The following IGF2BP3 variants were observed in gnomAD, a reference collection of about 807,000 sequenced individuals.
IGF2BP3 encodes the protein insulin like growth factor 2 mRNA binding protein 3, also known as insulin-like growth factor 2 mRNA-binding protein 3.
In IGF2BP3, 9 loss-of-function variants were observed where a neutral mutation model predicts 73.8. The observed-to-expected ratio is 0.12, with a 90% CI of 0.07 to 0.21. The LOEUF (loss-of-function observed/expected upper bound fraction) is 0.21, where lower values mean the gene tolerates loss of function less well. Ranked by LOEUF, IGF2BP3 falls within the 10% of genes least tolerant of loss-of-function variation. The pLI, the probability that IGF2BP3 is intolerant of heterozygous loss-of-function variation, is 1.00. For missense variants in IGF2BP3, 542 were observed against 714.0 expected (o/e 0.76, Z 2.75); for synonymous variants, 258 against 256.7 (o/e 1.01, Z -0.05).
chr7:23,345,492 C>G (rs12700421), intron 8 of IGF2BP3, among the ~76,000 whole-genome samples: 21,619 of 152,172 alleles, frequency 0.14, 1,984 homozygotes, highest in Admixed American at 0.2. Context: ...TGCCAACAGC[C>G]AGCATCAACT....
At chr7:23,382,694 CA>C (rs1562715229) in intron 3 of IGF2BP3, among the ~76,000 whole-genome samples, 1 of 151,874 alleles carries the variant, frequency 6.6e-6, no homozygotes, top group Admixed American at 6.6e-5. Context: ...ACACCTCAGA[CA>C]AGTAAGTATA....
At chr7:23,342,413 C>T (rs1415724287) in intron 9 of IGF2BP3, among the ~76,000 whole-genome samples, 1 of 152,164 alleles carries the variant, frequency 6.6e-6, no homozygotes, top group East Asian at 1.9e-4. Context: ...CCTTGGTCCA[C>T]AGCTGCATTA....
At chr7:23,444,559 G>A (rs992289355) in intron 2 of IGF2BP3, among the ~76,000 whole-genome samples, 2 of 151,812 alleles carry the variant, frequency 1.3e-5, no homozygotes, top group South Asian at 4.2e-4. Context: ...TGGCCATCAT[G>A]GTGAAACCCC....
chr7:23,335,968 A>G (rs1784563260), intron 10 of IGF2BP3, among the ~76,000 whole-genome samples: 1 of 152,214 alleles, frequency 6.6e-6, no homozygotes, highest in Non-Finnish European at 1.5e-5. Flanking sequence ...CTGTTGGAAG[A>G]ACCAACTCTT....
At chr7:23,381,229 A>T (rs1032887521) in intron 3 of IGF2BP3, among the ~76,000 whole-genome samples, 1 of 152,226 alleles carries the variant, frequency 6.6e-6, no homozygotes, top group Non-Finnish European at 1.5e-5. Context: ...CATCTGAACA[A>T]TCTTCAAAGG....
Position 23,324,196 on chromosome 7 carries a change from A to G in IGF2BP3, c.1204-4942T>C, listed in dbSNP as rs1012831971. Among the ~76,000 whole-genome samples the G allele has an allele frequency of 3.8e-4, 58 of 152,072 alleles. 1 individual carries two copies. Among genetic ancestry groups the G allele is most frequent in the African/African-American group, 1.3e-3 (56 of 41,482 alleles). The stretch of plus-strand genomic sequence containing the variant: ...TAGCAAGACTAATCAAGAAAAAAAG[A>G]GAGAAGAATCAAATAGACACAATAA... On this transcript the variant is annotated intron_variant, in intron 10 of 14. Transcript: ENST00000258729.
intron 3 of IGF2BP3, among the ~76,000 whole-genome samples, chr7:23,379,130 T>C (rs919973745): frequency 6.6e-5 from 10 of 152,220 alleles, no homozygotes; most frequent in African/African-American, 2.4e-4. Context: ...TCAGCTGCTT[T>C]TGAACAATGG....
chr7:23,376,099 T>C (rs1785709607), intron 3 of IGF2BP3, among the ~76,000 whole-genome samples: 1 of 152,006 alleles, frequency 6.6e-6, no homozygotes, highest in Admixed American at 6.6e-5. Context: ...CACAAATAAT[T>C]TTGGGAAAAC....
intron 2 of IGF2BP3, among the ~76,000 whole-genome samples, chr7:23,420,152 A>C (rs1374853794): frequency 6.6e-6 from 1 of 152,244 alleles, no homozygotes; most frequent in African/African-American, 2.4e-5. Flanking sequence ...TGAGCTTGAC[A>C]TCTCAAGTGA....
At chr7:23,391,289 A>G (rs998489680) in intron 3 of IGF2BP3, among the ~76,000 whole-genome samples, 2 of 151,522 alleles carry the variant, frequency 1.3e-5, no homozygotes, top group Admixed American at 6.6e-5. Flanking sequence ...TAGTAGAGAC[A>G]TGGTTTAGCC....
At chr7:23,369,865 T>C (rs1377924550) in intron 3 of IGF2BP3, among the ~76,000 whole-genome samples, 1 of 152,164 alleles carries the variant, frequency 6.6e-6, no homozygotes, top group African/African-American at 2.4e-5. Flanking sequence ...ATTTATGTTC[T>C]GCAGATAAGC....
chr7:23,443,785 G>A (rs1169185931), intron 2 of IGF2BP3, among the ~76,000 whole-genome samples: 3 of 152,090 alleles, frequency 2.0e-5, no homozygotes, highest in East Asian at 3.9e-4. Context: ...CAAGGAGGGT[G>A]GATCACGAGG....
At chr7:23,321,075 T>C (rs1670330152) in intron 10 of IGF2BP3, among the ~76,000 whole-genome samples, 1 of 151,886 alleles carries the variant, frequency 6.6e-6, no homozygotes, top group African/African-American at 2.4e-5. Context: ...GGAGCCAAGA[T>C]GGCCAAATAG....
chr7:23,371,772 T>C (rs1020331563), intron 3 of IGF2BP3, among the ~76,000 whole-genome samples: 1 of 152,188 alleles, frequency 6.6e-6, no homozygotes, highest in African/African-American at 2.4e-5. Flanking sequence ...CTTTCAATGT[T>C]CACAAGTTAG....
chr7:23,420,567 C>T (rs1787317095), intron 2 of IGF2BP3, among the ~76,000 whole-genome samples: 1 of 152,124 alleles, frequency 6.6e-6, no homozygotes, highest in East Asian at 1.9e-4. Flanking sequence ...AAATAATCCA[C>T]AATTTTGAAG....
chr7:23,454,665 T>G (rs1235280640), intron 2 of IGF2BP3, among the ~76,000 whole-genome samples: 1 of 152,214 alleles, frequency 6.6e-6, no homozygotes, highest in Non-Finnish European at 1.5e-5. Flanking sequence ...ATCACAGGGC[T>G]AAGCAAAGGT....
intron 10 of IGF2BP3, among the ~76,000 whole-genome samples, chr7:23,322,709 T>A (rs1352564589): frequency 3.3e-5 from 5 of 152,154 alleles, no homozygotes; most frequent in Non-Finnish European, 7.4e-5. Flanking sequence ...CCCATCAGAC[T>A]AACAGCAGAT....
At chr7:23,397,602 T>C (rs1786518012) in intron 3 of IGF2BP3, among the ~76,000 whole-genome samples, 1 of 152,206 alleles carries the variant, frequency 6.6e-6, no homozygotes, top group Non-Finnish European at 1.5e-5. Flanking sequence ...CATCTCATAA[T>C]AGGAATGCTG....
intron 3 of IGF2BP3, chr7:23,413,546 T>C (rs1005176047): frequency 1.3e-5 from 2 of 152,058 alleles, no homozygotes; most frequent in African/African-American, 4.8e-5. Flanking sequence ...ACTTGAGAAA[T>C]TGAGTAGGCA....
Sources: gnomAD v4.1 joint callset for allele counts (sites outside exome capture counted in the v4.1 genomes callset) on GRCh38, gnomAD v4.1.1 for gene constraint, MANE v1.5 for transcripts, NCBI Gene and HGNC (gene_info 2026-07-23, HGNC 2026-07-21) for gene names.